Variants in SPON2 observed in about 807,000 individuals in gnomAD.
The protein encoded by SPON2 is spondin 2, also known as spondin-2.
SPON2 carries 32 observed loss-of-function variants against 29.9 expected under a neutral mutation model. That is an observed-to-expected ratio of 1.07 (90% CI 0.81 to 1.44). SPON2 has a LOEUF of 1.44. Ranked by LOEUF, SPON2 falls within the 40% of genes most tolerant of loss-of-function variation. SPON2 has a pLI of 0.00. For missense variants in SPON2, 541 were observed against 455.5 expected (o/e 1.19, Z -1.71); for synonymous variants, 248 against 209.1 (o/e 1.19, Z -1.61).
intron 1 of SPON2, among the ~76,000 whole-genome samples, chr4:1,184,630 A>G (rs1445583307): frequency 6.6e-6 from 1 of 152,200 alleles, no homozygotes; most frequent in Non-Finnish European, 1.5e-5. Context: ...ACAAGGTTCC[A>G]GTAATCAAGA....
chr4:1,186,030 G>A (rs747094616), intron 1 of SPON2, among the ~76,000 whole-genome samples: 14 of 150,962 alleles, frequency 9.3e-5, no homozygotes, highest in Non-Finnish European at 1.6e-4. Context: ...GGATCACGAG[G>A]TCAGGAGATC....
upstream of SPON2, among the ~76,000 whole-genome samples, chr4:1,173,815 C>T (rs1727534426): frequency 6.6e-6 from 1 of 152,246 alleles, no homozygotes; most frequent in African/African-American, 2.4e-5. Flanking sequence ...CCACTCAATG[C>T]AGTATTTAGA....
At chr4:1,200,795 T>G (rs1370845326) in intron 1 of SPON2, 1 of 456,498 alleles carries the variant, frequency 2.2e-6, no homozygotes, top group Non-Finnish European at 4.4e-6. Flanking sequence ...TCCCTGCCTT[T>G]GCTGTGAGCA....
intron 5 of SPON2, chr4:1,170,168 A>T (rs1213052983): frequency 1.9e-6 from 1 of 514,774 alleles, no homozygotes; most frequent in African/African-American, 2.0e-5. Flanking sequence ...GCCTCCTTTC[A>T]TTCTTTCCTC....
chr4:1,194,232 G>A (rs752572588), intron 1 of SPON2, among the ~76,000 whole-genome samples: 2 of 152,278 alleles, frequency 1.3e-5, no homozygotes, highest in East Asian at 1.9e-4. Context: ...GGTCTTCGGC[G>A]AGGTGTGCGG....
chr4:1,197,635 AT>A (rs33953118), upstream of SPON2, among the ~76,000 whole-genome samples: 90,288 of 151,966 alleles, frequency 0.59, 27,295 homozygotes, highest in Non-Finnish European at 0.65. Flanking sequence ...AGTAGGGAGA[AT>A]TATGAAGATA....
chr4:1,178,148 G>A (rs532739956), upstream of SPON2, among the ~76,000 whole-genome samples: 45 of 135,094 alleles, frequency 3.3e-4, no homozygotes, highest in South Asian at 9.6e-3. Flanking sequence ...TGCACACACC[G>A]AGGGCCTCCC....
chr4:1,186,396 C>T (rs949741332), intron 1 of SPON2, among the ~76,000 whole-genome samples: 1 of 151,714 alleles, frequency 6.6e-6, no homozygotes, highest in African/African-American at 2.4e-5. Flanking sequence ...TTCTGCCTCT[C>T]GGGTTCCAGC....
At chr4:1,172,901 C>T, upstream of SPON2, 1 of 93,020 alleles carries the variant, frequency 1.1e-5, no homozygotes, top group Non-Finnish European at 2.2e-5. Context: ...CTCCCCTCCT[C>T]CCCTCCCCTC....
At chr4:1,171,663 G>T in intron 2 of SPON2, 177 bp from the exon 3 acceptor site, 1 of 780,670 alleles carries the variant, frequency 1.3e-6, no homozygotes, top group Non-Finnish European at 2.0e-6. Context: ...CGCCCTCCCC[G>T]TGAGCGCCCC....
upstream of SPON2, among the ~76,000 whole-genome samples, chr4:1,176,011 G>A (rs1185145892): frequency 6.6e-6 from 1 of 152,170 alleles, no homozygotes; most frequent in Non-Finnish European, 1.5e-5. Context: ...ATTCTTTGCT[G>A]TGCTCAGAGA....
In SPON2 at chr4:1,189,638, C is replaced by CAAAAA. The variant is rs61543201; in HGVS notation, c.-239+5347_-239+5351dup. The stretch of plus-strand genomic sequence containing the variant: ...TGGGCAACAGAGTGAGACCCTGTCT[C>CAAAAA]AAAAAAAAAAAAAAAAAAAAGAAAG... On this transcript the variant is annotated intron_variant, in intron 1 of 3. Coordinates refer to the SPON2 transcript ENST00000502483. Among the ~76,000 whole-genome samples, 447 of 59,984 alleles carry CAAAAA rather than the reference C, an allele frequency of 7.5e-3. 8 individuals carry two copies. Among genetic ancestry groups the CAAAAA allele is most frequent in the Non-Finnish European group, 0.01 (324 of 32,018 alleles). The allele number at this position is 59,984 out of a possible 152,430, so 39.4% of individuals were successfully genotyped here. A position where few individuals can be genotyped will look rare whatever the true frequency, so the allele number is the denominator to read the frequency against.
rs1727433371 is a variant in SPON2, at chr4:1,171,278, C to T, written c.429G>A (p.Gln143=). 6.5e-7 allele frequency: 1 copy of T among 1,548,470 alleles called. No homozygotes were observed. ...TGQTSAELEV[Q]RRHSLVSFVV... is the part of the protein sequence containing the mutation. ...CCGCGCTCACCAGCGAGTGCCTGCG[C>T]TGCACCTCCAGCTCCGCCGACGTCT... Residue 143 remains glutamine, a synonymous_variant, in exon 3 of 6, where the codon CAG becomes CAA. Transcript: ENST00000290902.
At chr4:1,188,683 C>T (rs62293579) in intron 1 of SPON2, among the ~76,000 whole-genome samples, 4 of 152,096 alleles carry the variant, frequency 2.6e-5, no homozygotes, top group Non-Finnish European at 2.9e-5. Flanking sequence ...GAAGCCAAAG[C>T]GGAAATGATG....
At chr4:1,185,720 G>A (rs372026003) in intron 1 of SPON2, among the ~76,000 whole-genome samples, 1,552 of 36,192 alleles carry the variant, frequency 0.043, 39 homozygotes, top group Middle Eastern at 0.1. Context: ...AAAAAAAAAA[G>A]AATGAAGTTG....
intron 1 of SPON2, among the ~76,000 whole-genome samples, chr4:1,194,210 G>A (rs374792435): frequency 2.2e-4 from 34 of 152,222 alleles, no homozygotes; most frequent in African/African-American, 7.9e-4. Flanking sequence ...ACGGCAAATG[G>A]GCTCCTCCAA....
At chr4:1,188,666 G>C (rs537275940) in intron 1 of SPON2, among the ~76,000 whole-genome samples, 11 of 152,304 alleles carry the variant, frequency 7.2e-5, no homozygotes, top group Admixed American at 3.9e-4. Context: ...AGAGCCCCAA[G>C]ATACATGAAG....
At chr4:1,196,425 C>T (rs1307585222), upstream of SPON2, among the ~76,000 whole-genome samples, 1 of 152,196 alleles carries the variant, frequency 6.6e-6, no homozygotes, top group Non-Finnish European at 1.5e-5. Context: ...GGGAAGTGCA[C>T]GTGAGCTCTG....
At chr4:1,205,591 C>CCTG (rs147462773) in intron 1 of SPON2, among the ~76,000 whole-genome samples, 126,602 of 151,948 alleles carry the variant, frequency 0.83, 53,691 homozygotes, top group East Asian at 0.95. Flanking sequence ...CCTGGCCTTC[C>CCTG]CTGCCAGCCC....
Sources: allele counts gnomAD v4.1 joint callset (sites outside exome capture counted in the v4.1 genomes callset), GRCh38; gene constraint gnomAD v4.1.1; transcripts MANE v1.5; gene names NCBI Gene and HGNC (gene_info 2026-07-23, HGNC 2026-07-21).